JPH4: variants seen among roughly 807,000 people sequenced by gnomAD.
JPH4 encodes the protein junctophilin-4.
In JPH4, 18 loss-of-function variants were observed where a neutral mutation model predicts 57.6. The ratio of observed to expected loss-of-function variants is 0.31; its 90% CI spans 0.22 to 0.46. The LOEUF (loss-of-function observed/expected upper bound fraction) is 0.46, where lower values mean the gene tolerates loss of function less well. Among genes scored for constraint, JPH4 ranks in the 20% least tolerant of loss-of-function variants. JPH4 has a pLI of 1.00. For missense variants in JPH4, 727 were observed against 911.1 expected (o/e 0.80, Z 2.60); for synonymous variants, 425 against 406.6 (o/e 1.05, Z -0.54).
rs1555363494 is a variant in JPH4 at position 23,575,584 on chromosome 14, A to AGGACTTG, written c.1151+100_1151+101insCAAGTCC. On this transcript the variant is annotated intron_variant, in intron 3 of 5. Coordinates refer to ENST00000356300, the MANE Select transcript of JPH4 (RefSeq NM_001146028.2). This position sits in a 1 kb window ranked among gnomAD's most constrained non-coding sequence, Gnocchi z 6.9. The stretch of plus-strand genomic sequence containing the variant: ...CCTTAGGCTTGCAATAGCAGGCCCT[A>AGGACTTG]GGCCTTGGGCCTTGGGCCTCCCTTA... 1.4e-6 allele frequency: 2 copies of AGGACTTG among 1,465,204 alleles called. No individual in the cohort carries two copies. Among genetic ancestry groups the AGGACTTG allele is most frequent in the South Asian group, 2.4e-5 (2 of 82,158 alleles). 90.8% of individuals were successfully genotyped at this position (1,465,204 alleles called of 1,614,324 possible).
chr14:23,576,854 CAG>C lies in JPH4; in HGVS notation c.379+219_379+220del, dbSNP rs1889285652. On this transcript the variant is annotated intron_variant, in intron 2 of 5. Coordinates refer to ENST00000356300, the MANE Select transcript of JPH4 (RefSeq NM_001146028.2). The surrounding 1 kb of genome is among the most constrained non-coding windows in gnomAD (Gnocchi z 8.0). ...AGAGGGAGGTGTGAGGACAGGCAGA[CAG>C]GGAAGGGGTGAGGGAGAAGCGAGCA... Among the ~76,000 whole-genome samples, 1 of 151,292 alleles carries C rather than the reference CAG, an allele frequency of 6.6e-6. No homozygotes were observed. The highest frequency in any genetic ancestry group is 2.1e-4 in the South Asian group (1 of 4,804).
At position 23,578,515 on chromosome 14, in the gene JPH4, T is replaced by A. The variant is rs757873684; in HGVS notation, c.-507A>T. 1.3e-5 allele frequency: 2 copies of A among 151,504 alleles called. No homozygotes were observed. Among genetic ancestry groups the A allele is most frequent in the Non-Finnish European group, 1.5e-5 (1 of 67,906 alleles). 9.4% of individuals were successfully genotyped at this position (151,504 alleles called of 1,614,324 possible). Reference sequence around the variant, plus strand: ...GGTGTTTTTATTATTTTTTTCTTCTTATGGTTGGGAGAGGAAAAATAAATC... The same window carrying A: ...GGTGTTTTTATTATTTTTTTCTTCTAATGGTTGGGAGAGGAAAAATAAATC... On this transcript the variant is annotated 5_prime_UTR_variant, in exon 1 of 6. Coordinates refer to ENST00000356300, the MANE Select transcript of JPH4 (RefSeq NM_001146028.2).
Position 23,577,142 on chromosome 14 carries a change from C to T in JPH4, c.312G>A (p.Leu104=). The T allele has an allele frequency of 1.3e-6, 2 of 1,546,004 alleles. No individual in the cohort carries two copies. Among genetic ancestry groups the T allele is most frequent in the Middle Eastern group, 1.7e-4 (1 of 5,988 alleles). Residue 104 remains leucine (L), a synonymous_variant, in exon 2 of 6, where the codon CTG becomes CTA. Transcript: ENST00000356300. This position sits in a 1 kb window ranked among gnomAD's most constrained non-coding sequence, Gnocchi z 8.4. ...RSGVWESVSG[L]RYAGLWKDGF... ...CGTCCTTCCAGAGCCCGGCGTAGCG[C>T]AGGCCGGACACGCTTTCCCACACGC...
intron 5 of JPH4, among the ~76,000 whole-genome samples, chr14:23,570,367 C>CTTTTT (rs1173061430): frequency 9.7e-6 from 1 of 103,318 alleles, no homozygotes; most frequent in African/African-American, 4.6e-5. Context: ...GGGCAAGTTA[C>CTTTTT]TTTTTTTTTT....
At chr14:23,574,783 A>T (rs377216417) in intron 3 of JPH4, among the ~76,000 whole-genome samples, 169 of 152,226 alleles carry the variant, frequency 1.1e-3, no homozygotes, top group African/African-American at 3.9e-3. Flanking sequence ...AAAATTCATC[A>T]CACCTGCTTT....
In JPH4 at chr14:23,577,644, G is replaced by C. The variant is rs1029283180; in HGVS notation, c.-171-20C>G. ...GAGTGGCTGCGGAGAAAGAGGGAGG[G>C]GGGCAAGTGGCGAGAGAGGCCCCTC... On this transcript the variant is annotated intron_variant, in intron 1 of 5. Coordinates refer to ENST00000356300, the MANE Select transcript of JPH4 (RefSeq NM_001146028.2). The surrounding 1 kb of genome is among the most constrained non-coding windows in gnomAD (Gnocchi z 8.4). 46 of 436,750 alleles carry C rather than the reference G, an allele frequency of 1.1e-4. No homozygotes were observed. The highest frequency in any genetic ancestry group is 1.7e-4 in the Non-Finnish European group (44 of 251,724). The allele number at this position is 436,750 out of a possible 1,614,324, so 27.1% of individuals were successfully genotyped here. A position where few individuals can be genotyped will look rare whatever the true frequency, so the allele number is the denominator to read the frequency against.
rs1323270481 is a variant in JPH4 at position 23,575,635 on chromosome 14, G to A, written c.1151+50C>T. ...GGCACACCCGCCTTCCTGGTCCCCA[G>A]CGCACCCCCTCCTCTTAGCCCAGCT... is the stretch of plus-strand genomic sequence containing the variant. On this transcript the variant is annotated intron_variant, in intron 3 of 5. Transcript: ENST00000356300. The surrounding 1 kb of genome is among the most constrained non-coding windows in gnomAD (Gnocchi z 6.9). 1 of 1,555,190 alleles carries A rather than the reference G, an allele frequency of 6.4e-7. No individual in the cohort carries two copies. The highest frequency in any genetic ancestry group is 1.2e-5 in the South Asian group (1 of 84,924).
In JPH4 at chr14:23,568,134, T is replaced by A. The variant is rs1448239435; in HGVS notation, c.*1500A>T. On this transcript the variant is annotated 3_prime_UTR_variant, in exon 6 of 6. Transcript: ENST00000356300. ...GTTGGCGGCACTGTTGTAGTTTAAC[T>A]TCAATCCCAAATTCCATGAAATAGA... The A allele has an allele frequency of 1.0e-6, 1 of 985,696 alleles. No individual in the cohort carries two copies. Among genetic ancestry groups the A allele is most frequent in the Non-Finnish European group, 1.2e-6 (1 of 829,918 alleles). The allele number at this position is 985,696 out of a possible 1,614,324, so 61.1% of individuals were successfully genotyped here. A position where few individuals can be genotyped will look rare whatever the true frequency, so the allele number is the denominator to read the frequency against.
chr14:23,573,664 T>G (rs1166349289), intron 3 of JPH4, among the ~76,000 whole-genome samples: 1 of 152,176 alleles, frequency 6.6e-6, no homozygotes, highest in South Asian at 2.1e-4. Context: ...CCATGGCAGC[T>G]GGCAGCCAGT....
At chr14:23,573,092 C>G in intron 3 of JPH4, 3 of 626,756 alleles carry the variant, frequency 4.8e-6, no homozygotes, top group Non-Finnish European at 8.6e-6. Context: ...CCTCTGGCCA[C>G]AGGCCTGTTC....
chr14:23,573,877 T>A (rs896568770), intron 3 of JPH4, among the ~76,000 whole-genome samples: 1 of 151,804 alleles, frequency 6.6e-6, no homozygotes, highest in African/African-American at 2.4e-5. Context: ...TAGATGCACA[T>A]TCTCTGACTC....
chr14:23,571,672 T>G lies in JPH4; in HGVS notation c.1270+130A>C, dbSNP rs1229095077. On this transcript the variant is annotated intron_variant, in intron 4 of 5. Transcript: ENST00000356300. The surrounding 1 kb of genome is among the most constrained non-coding windows in gnomAD (Gnocchi z 4.6). ...AGGTCTGGCCCCCACCCTGTGTTCC[T>G]TGCACCCTCATTCCTTGTTTTTTCC... 1 of 1,055,168 alleles carries G rather than the reference T, an allele frequency of 9.5e-7. No homozygotes were observed. Among genetic ancestry groups the G allele is most frequent in the Admixed American group, 1.9e-5 (1 of 51,802 alleles). The allele number at this position is 1,055,168 out of a possible 1,614,324, so 65.4% of individuals were successfully genotyped here. A position where few individuals can be genotyped will look rare whatever the true frequency, so the allele number is the denominator to read the frequency against.
Position 23,578,279 on chromosome 14 carries a change from G to C in JPH4, c.-271C>G, listed in dbSNP as rs1412341044. 6.6e-6 allele frequency: 1 copy of C among 151,800 alleles called. No homozygotes were observed. The highest frequency in any genetic ancestry group is 2.0e-4 in the East Asian group (1 of 5,104). 9.4% of individuals were successfully genotyped at this position (151,800 alleles called of 1,614,324 possible). A position where few individuals can be genotyped will look rare whatever the true frequency, so the allele number is the denominator to read the frequency against. ...GACAAGCCAAGCCCCCTCCCCTTCC[G>C]GAGAGACTGCTCCAACCCAGAGAGG... On this transcript the variant is annotated 5_prime_UTR_variant, in exon 1 of 6. Transcript: ENST00000356300.
Position 23,575,941 on chromosome 14 carries a change from G to T in JPH4, c.895C>A (p.Arg299Ser). Residue 299 changes from arginine (R) to serine (S), a missense_variant, in exon 3 of 6, where the codon CGC (arginine) becomes AGC (serine). This residue lies in a region of JPH4 where 112 missense variants were observed against 199.4 expected (regional missense o/e 0.56). Coordinates refer to ENST00000356300, the MANE Select transcript of JPH4 (RefSeq NM_001146028.2). This position sits in a 1 kb window ranked among gnomAD's most constrained non-coding sequence, Gnocchi z 6.9. ...CCCTCGTAGCGCAGCCCGTTGGAGCGCTGGCTGACGCCGAAGCCGCTGCGC... is the reference window on the plus strand; with the variant it reads ...CCCTCGTAGCGCAGCCCGTTGGAGCTCTGGCTGACGCCGAAGCCGCTGCGC... ...DRRSGFGVSQ[R>S]SNGLRYEGEW... is the part of the protein sequence containing the mutation. 2 of 1,547,610 alleles carry T rather than the reference G, an allele frequency of 1.3e-6. No homozygotes were observed. The highest frequency in any genetic ancestry group is 1.7e-6 in the Non-Finnish European group (2 of 1,155,624).
chr14:23,577,874 A>C lies in JPH4; in HGVS notation c.-171-250T>G. ...GGGAGTCCCAATTCTCCAACCTAGA[A>C]CCCCGAAGTGTCGAGTGTGGATGGC... On this transcript the variant is annotated intron_variant, in intron 1 of 5. Coordinates refer to ENST00000356300, the MANE Select transcript of JPH4 (RefSeq NM_001146028.2). The surrounding 1 kb of genome is among the most constrained non-coding windows in gnomAD (Gnocchi z 8.4). The C allele has an allele frequency of 6.4e-6, 1 of 157,092 alleles. No homozygotes were observed. Among genetic ancestry groups the C allele is most frequent in the Non-Finnish European group, 1.4e-5 (1 of 71,442 alleles). 9.7% of individuals were successfully genotyped at this position (157,092 alleles called of 1,614,324 possible).
At chr14:23,572,002 C>T (rs1889163088) in intron 3 of JPH4, 82 bp from the exon 4 acceptor site, 2 of 1,223,934 alleles carry the variant, frequency 1.6e-6, no homozygotes, top group African/African-American at 1.5e-5. Context: ...GCCCCCTAGC[C>T]CCTGTCCCCT....
Position 23,571,465 on chromosome 14 carries a change from G to A in JPH4, c.1271-5C>T, listed in dbSNP as rs201139063. 1.3e-6 allele frequency: 2 copies of A among 1,598,002 alleles called. No homozygotes were observed. Among genetic ancestry groups the A allele is most frequent in the South Asian group, 2.2e-5 (2 of 90,900 alleles). On this transcript the variant is annotated splice_region_variant and splice_polypyrimidine_tract_variant and intron_variant, in intron 4 of 5. Coordinates refer to ENST00000356300, the MANE Select transcript of JPH4 (RefSeq NM_001146028.2). This position sits in a 1 kb window ranked among gnomAD's most constrained non-coding sequence, Gnocchi z 4.6. ...AGTCCTGCCTGGGTCTGCGGCCTGG[G>A]TAGGGATAGCTGAGAATCAGAGGGG...
Position 23,568,571 on chromosome 14 carries a change from A to T in JPH4, c.*1063T>A. The stretch of plus-strand genomic sequence containing the variant: ...ATTCTGATGTAAAGGGGGAAGGGAT[A>T]TAACCCATTTTGGGACTACTAAACT... On this transcript the variant is annotated 3_prime_UTR_variant, in exon 6 of 6. Transcript: ENST00000356300. 1 of 985,840 alleles carries T rather than the reference A, an allele frequency of 1.0e-6. No homozygotes were observed. The highest frequency in any genetic ancestry group is 1.7e-5 in the African/African-American group (1 of 57,370). The allele number at this position is 985,840 out of a possible 1,614,324, so 61.1% of individuals were successfully genotyped here.
chr14:23,571,138 G>C lies in JPH4; in HGVS notation c.1593C>G (p.Leu531=). ...QGPGPRDGSP[L]LGGCSDSSGS... The stretch of plus-strand genomic sequence containing the variant: ...CTGAACTGTCGCTGCAGCCTCCGAG[G>C]AGTGGGGAACCGTCTCTGGGCCCTG... Residue 531 remains leucine, a synonymous_variant, in exon 5 of 6, where the codon CTC becomes CTG. Coordinates refer to ENST00000356300, the MANE Select transcript of JPH4 (RefSeq NM_001146028.2). This position sits in a 1 kb window ranked among gnomAD's most constrained non-coding sequence, Gnocchi z 4.6. 6.2e-7 allele frequency: 1 copy of C among 1,614,124 alleles called. No individual in the cohort carries two copies. Among genetic ancestry groups the C allele is most frequent in the Non-Finnish European group, 8.5e-7 (1 of 1,180,016 alleles).
Sources: gnomAD v4.1 joint callset for allele counts (sites outside exome capture counted in the v4.1 genomes callset) on GRCh38, gnomAD v4.1.1 for gene constraint, gnomAD v4.1.1 regional missense constraint, Gnocchi (gnomAD v3.1) non-coding constraint, MANE v1.5 for transcripts, NCBI Gene and HGNC (gene_info 2026-07-23, HGNC 2026-07-21) for gene names.